The following NEXMIF variants were observed in gnomAD, a reference collection of about 807,000 sequenced individuals.
NEXMIF encodes XLMR protein related to neurite extension.
Under a neutral mutation model 62.1 loss-of-function variants are expected in NEXMIF, and 8 were observed. The observed-to-expected ratio is 0.13, with a 90% CI of 0.08 to 0.23. The LOEUF is 0.23. NEXMIF is among the 10% of genes least tolerant of loss of function. NEXMIF has a pLI of 1.00. For missense variants in NEXMIF, 976 were observed against 1,113.3 expected (o/e 0.88, Z 1.75); for synonymous variants, 404 against 416.6 (o/e 0.97, Z 0.37).
intron 1 of NEXMIF, among the ~76,000 whole-genome samples, chrX:74,875,446 T>C (rs1268912575): frequency 1.8e-5 from 2 of 112,141 alleles, no homozygotes; most frequent in Non-Finnish European, 3.8e-5. Flanking sequence ...GATATTGGTC[T>C]AAAATTCTCT....
chrX:74,806,512 A>G (rs998239605), intron 1 of NEXMIF, among the ~76,000 whole-genome samples: 1 of 112,041 alleles, frequency 8.9e-6, no homozygotes, highest in African/African-American at 3.2e-5. Context: ...ATTGTAACAA[A>G]TGTATCATAC....
intron 1 of NEXMIF, among the ~76,000 whole-genome samples, chrX:74,767,969 G>A (rs1054146086): frequency 1.8e-5 from 2 of 111,201 alleles, no homozygotes; most frequent in African/African-American, 6.5e-5. Flanking sequence ...GGTATGTATG[G>A]GAGGGGGGGT....
chrX:74,885,523 A>G (rs1265577764), intron 1 of NEXMIF, among the ~76,000 whole-genome samples: 1 of 111,704 alleles, frequency 9.0e-6, no homozygotes, highest in Non-Finnish European at 1.9e-5. Flanking sequence ...AAACACCTCT[A>G]CGCAAATAAA....
At chrX:74,847,171 C>T (rs1409599351) in intron 1 of NEXMIF, among the ~76,000 whole-genome samples, 1 of 111,699 alleles carries the variant, frequency 9.0e-6, no homozygotes, top group Non-Finnish European at 1.9e-5. Flanking sequence ...AATAAGAGGG[C>T]AAGGATTGAG....
At chrX:74,795,434 C>A (rs1041622793) in intron 1 of NEXMIF, among the ~76,000 whole-genome samples, 1 of 111,715 alleles carries the variant, frequency 9.0e-6, no homozygotes, top group South Asian at 3.8e-4. Context: ...GAAGCCATAC[C>A]CAAAGACTAC....
At chrX:74,751,762 TCCTCTTCTTTCCTTCCCTCCCTC>T (rs1403014551) in intron 1 of NEXMIF, among the ~76,000 whole-genome samples, 12 of 88,543 alleles carry the variant, frequency 1.4e-4, no homozygotes, top group South Asian at 7.5e-4. Flanking sequence ...TTCCTTCCCT[TCCTCTTCTTTCCTTCCCTCCCTC>T]CCTCTTCTTT....
chrX:74,925,327 C>T lies in NEXMIF; in HGVS notation c.-492G>A. 1 of 131,380 alleles carries T rather than the reference C, an allele frequency of 7.6e-6. No homozygotes were observed. The highest frequency in any genetic ancestry group is 1.6e-5 in the Non-Finnish European group (1 of 63,708). 10.8% of individuals were successfully genotyped at this position (131,380 alleles called of 1,213,427 possible). The stretch of plus-strand genomic sequence containing the variant: ...CGTCCGCGAGAGGGAGAGAGGAGGG[C>T]GGCTGCTACTGTCGCTATAGCTGTT... On this transcript the variant is annotated 5_prime_UTR_variant, in exon 1 of 4. Coordinates refer to ENST00000055682, the MANE Select transcript of NEXMIF (RefSeq NM_001008537.3).
Position 74,755,028 on chromosome X carries a change from A to G in NEXMIF, c.-47-9331T>C, listed in dbSNP as rs374184090. On this transcript the variant is annotated intron_variant, in intron 1 of 3. Coordinates refer to ENST00000055682, the MANE Select transcript of NEXMIF (RefSeq NM_001008537.3). ...ATCTCTGGCCTTCCTTCTTAATATC[A>G]GGGTAGTTCCCAGGCCATCCTAACA... is the stretch of plus-strand genomic sequence containing the variant. 2.0e-4 allele frequency among the ~76,000 whole-genome samples: 22 copies of G among 112,026 alleles called. 1 individual carries two copies. In the East Asian group the frequency reaches 3.7e-3, roughly 19 times the overall value.
chrX:74,781,220 C>T (rs1437127558), intron 1 of NEXMIF, among the ~76,000 whole-genome samples: 6 of 111,994 alleles, frequency 5.4e-5, no homozygotes, highest in African/African-American at 1.6e-4. Flanking sequence ...CACTGCTCTC[C>T]GGAGAAATAG....
chrX:74,872,975 T>A (rs1389649328), intron 1 of NEXMIF, among the ~76,000 whole-genome samples: 1 of 109,217 alleles, frequency 9.2e-6, no homozygotes. Flanking sequence ...ATTGTTTTGG[T>A]TTTTTTTTAA....
intron 1 of NEXMIF, among the ~76,000 whole-genome samples, chrX:74,816,816 C>T (rs1246664231): frequency 2.7e-5 from 3 of 111,924 alleles, no homozygotes; most frequent in Non-Finnish European, 5.6e-5. Context: ...CAGTTGAGGA[C>T]TTGGCAGGAA....
intron 1 of NEXMIF, among the ~76,000 whole-genome samples, chrX:74,822,003 G>T (rs1050818354): frequency 1.8e-5 from 2 of 111,374 alleles, no homozygotes; most frequent in Non-Finnish European, 3.8e-5. Flanking sequence ...CTTCCGCCTC[G>T]GCCTCCCAGT....
At chrX:74,780,375 G>A (rs769303114) in intron 1 of NEXMIF, among the ~76,000 whole-genome samples, 1 of 96,901 alleles carries the variant, frequency 1.0e-5, no homozygotes, top group Non-Finnish European at 2.1e-5. Flanking sequence ...CCATCTTACT[G>A]TTTTTTTTTT....
At chrX:74,794,170 C>G (rs1298407398) in intron 1 of NEXMIF, among the ~76,000 whole-genome samples, 1 of 110,647 alleles carries the variant, frequency 9.0e-6, no homozygotes, top group Admixed American at 9.7e-5. Context: ...GATGTCCTTT[C>G]TGTTTATTAG....
chrX:74,775,493 C>G (rs1426238797), intron 1 of NEXMIF, among the ~76,000 whole-genome samples: 3 of 111,975 alleles, frequency 2.7e-5, no homozygotes, highest in Non-Finnish European at 5.6e-5. Context: ...ATCACAGAAT[C>G]AGTTTAGAGC....
chrX:74,790,779 T>C (rs1195604634), intron 1 of NEXMIF, among the ~76,000 whole-genome samples: 1 of 113,025 alleles, frequency 8.8e-6, no homozygotes, highest in African/African-American at 3.2e-5. Flanking sequence ...TCTCTGTTTG[T>C]CTGTTGTTGG....
At chrX:74,767,051 C>T (rs2080196885) in intron 1 of NEXMIF, among the ~76,000 whole-genome samples, 1 of 112,165 alleles carries the variant, frequency 8.9e-6, no homozygotes, top group African/African-American at 3.2e-5. Context: ...CATGGACTCT[C>T]CAAAGCCTGG....
chrX:74,773,088 A>G (rs1378209092), intron 1 of NEXMIF, among the ~76,000 whole-genome samples: 1 of 111,402 alleles, frequency 9.0e-6, no homozygotes, highest in Non-Finnish European at 1.9e-5. Context: ...TTCAGATAGG[A>G]TGTAGGTAAC....
chrX:74,884,716 T>G (rs1046928314), intron 1 of NEXMIF, among the ~76,000 whole-genome samples: 1 of 111,632 alleles, frequency 9.0e-6, no homozygotes, highest in Non-Finnish European at 1.9e-5. Context: ...AACACCCCAC[T>G]GTCAACATTA....
Sources: allele counts gnomAD v4.1 joint callset (sites outside exome capture counted in the v4.1 genomes callset), GRCh38; gene constraint gnomAD v4.1.1; transcripts MANE v1.5; gene names NCBI Gene and HGNC (gene_info 2026-07-23, HGNC 2026-07-21).